Variants in ZMYM2 observed in about 807,000 individuals in gnomAD.
ZMYM2 encodes zinc finger MYM-type containing 2, also known as zinc finger MYM-type protein 2.
A neutral mutation model predicts 162.8 loss-of-function variants in ZMYM2; 56 were observed. The ratio of observed to expected loss-of-function variants is 0.34; its 90% CI spans 0.28 to 0.43. The LOEUF (loss-of-function observed/expected upper bound fraction) is 0.43. Ranked by LOEUF, ZMYM2 falls within the 20% of genes least tolerant of loss-of-function variation. The pLI, the probability that ZMYM2 is intolerant of heterozygous loss-of-function variation, is 1.00. For missense variants in ZMYM2, 1,275 were observed against 1,621.8 expected (o/e 0.79, Z 3.67); for synonymous variants, 510 against 541.6 (o/e 0.94, Z 0.81).
the ZMYM2 span, among the ~76,000 whole-genome samples, chr13:19,896,342 C>T: frequency 1.3e-5 from 2 of 151,160 alleles, no homozygotes; most frequent in Non-Finnish European, 2.9e-5. Flanking sequence ...CGGGGTTTCA[C>T]TATGTTGACC....
intron 12 of ZMYM2, among the ~76,000 whole-genome samples, chr13:20,041,364 T>C (rs1470669278): frequency 2.6e-5 from 4 of 151,822 alleles, no homozygotes; most frequent in African/African-American, 9.7e-5. Flanking sequence ...CTGTTTTGTC[T>C]GAGGCAACCC....
upstream of ZMYM2, among the ~76,000 whole-genome samples, chr13:19,954,959 C>T (rs1954478965): frequency 1.3e-5 from 2 of 151,876 alleles, no homozygotes; most frequent in Admixed American, 6.6e-5. Flanking sequence ...TACAAGCATG[C>T]ACCACGCTGC....
chr13:20,039,344 T>TA (rs1352698878), intron 12 of ZMYM2, among the ~76,000 whole-genome samples: 1 of 152,180 alleles, frequency 6.6e-6, no homozygotes, highest in Non-Finnish European at 1.5e-5. Flanking sequence ...ATCCTTGTCT[T>TA]ACACCAGTTT....
At position 20,062,837 on chromosome 13, in the gene ZMYM2, TG is replaced by T. The variant is rs1412750448; in HGVS notation, c.2912-8del. On this transcript the variant is annotated splice_region_variant and splice_polypyrimidine_tract_variant and intron_variant, in intron 17 of 24. Coordinates refer to ENST00000610343, the MANE Select transcript of ZMYM2 (RefSeq NM_197968.4). ...TTTGATTCCTAATGATAATATGGAT[TG>T]ATTTCAGGTGTAATTATTGAAACAG... The T allele has an allele frequency of 6.4e-7, 1 of 1,554,212 alleles. No individual in the cohort carries two copies. Among genetic ancestry groups the T allele is most frequent in the Non-Finnish European group, 8.7e-7 (1 of 1,147,880 alleles).
At chr13:19,958,464 T>C (rs1029307097), upstream of ZMYM2, among the ~76,000 whole-genome samples, 7 of 128,362 alleles carry the variant, frequency 5.5e-5, no homozygotes, top group African/African-American at 1.7e-4. Context: ...ACCCGGTGGG[T>C]GGGGGCGGGG....
At chr13:19,869,019 G>A in the ZMYM2 span, among the ~76,000 whole-genome samples, 1 of 152,166 alleles carries the variant, frequency 6.6e-6, no homozygotes, top group African/African-American at 2.4e-5. Context: ...CCTAAGTGCT[G>A]GGATTACAGG....
chr13:19,931,071 G>A, the ZMYM2 span, among the ~76,000 whole-genome samples: 2 of 150,404 alleles, frequency 1.3e-5, no homozygotes, highest in Non-Finnish European at 1.5e-5. Context: ...CCCAGGAGGC[G>A]GAGCTTGCAG....
chr13:19,968,603 A>AC (rs1956020530), intron 2 of ZMYM2, among the ~76,000 whole-genome samples: 1 of 152,142 alleles, frequency 6.6e-6, no homozygotes, highest in African/African-American at 2.4e-5. Context: ...AGTGTCCTTT[A>AC]CTGTCATCTT....
At chr13:19,867,310 A>G in the ZMYM2 span, among the ~76,000 whole-genome samples, 1 of 151,700 alleles carries the variant, frequency 6.6e-6, no homozygotes, top group Non-Finnish European at 1.5e-5. Flanking sequence ...AGATCGCGCC[A>G]TCGCACTCCA....
At chr13:20,043,907 G>T (rs1954518155) in intron 12 of ZMYM2, among the ~76,000 whole-genome samples, 2 of 152,076 alleles carry the variant, frequency 1.3e-5, no homozygotes, top group African/African-American at 4.8e-5. Context: ...CCCACTGGGG[G>T]TCTCCAGTGG....
the ZMYM2 span, among the ~76,000 whole-genome samples, chr13:19,865,226 T>C: frequency 6.6e-6 from 1 of 152,126 alleles, no homozygotes; most frequent in Non-Finnish European, 1.5e-5. Context: ...GCTGATGAGC[T>C]AAAACAAACG....
the ZMYM2 span, among the ~76,000 whole-genome samples, chr13:19,893,210 A>T: frequency 6.6e-6 from 1 of 150,954 alleles, no homozygotes; most frequent in Non-Finnish European, 1.5e-5. Flanking sequence ...AGGTGGGCCG[A>T]TCATGAGGTC....
rs1032229415 is a variant in ZMYM2 at position 20,067,023 on chromosome 13, AGT to A, written c.3301+7_3301+8del. ...GTATTAGATGAGTTAAAATCTTGTA[AGT>A]GTTTTAATTTTGTTTCTCCTAAGTC... On this transcript the variant is annotated splice_donor_5th_base_variant and intron_variant, in intron 20 of 24. Coordinates refer to ENST00000610343, the MANE Select transcript of ZMYM2 (RefSeq NM_197968.4). The A allele has an allele frequency of 6.3e-7, 1 of 1,591,358 alleles. No individual in the cohort carries two copies.
chr13:19,896,055 T>G, the ZMYM2 span, among the ~76,000 whole-genome samples: 1 of 150,846 alleles, frequency 6.6e-6, no homozygotes, highest in Non-Finnish European at 1.5e-5. Flanking sequence ...GAGAGAGTCT[T>G]GCTTGGGTTG....
At chr13:19,877,342 G>A in the ZMYM2 span, among the ~76,000 whole-genome samples, 1,841 of 152,318 alleles carry the variant, frequency 0.012, 39 homozygotes, top group African/African-American at 0.04. Context: ...TCAGAAAGTG[G>A]AAAGGGAGTA....
the ZMYM2 span, among the ~76,000 whole-genome samples, chr13:19,921,293 C>T: frequency 6.6e-6 from 1 of 152,122 alleles, no homozygotes; most frequent in Non-Finnish European, 1.5e-5. Flanking sequence ...ACATGAGCCA[C>T]CACACCCGGC....
intron 2 of ZMYM2, among the ~76,000 whole-genome samples, chr13:19,986,585 T>A (rs9579756): frequency 0.091 from 13,509 of 148,610 alleles, 875 homozygotes; most frequent in African/African-American, 0.19. Context: ...GAAAAAAAAA[T>A]TTTTAACATT....
chr13:20,056,018 A>C (rs1270236679), intron 14 of ZMYM2, among the ~76,000 whole-genome samples: 1 of 152,206 alleles, frequency 6.6e-6, no homozygotes, highest in Non-Finnish European at 1.5e-5. Flanking sequence ...TATATGGAAG[A>C]GCTACTTTTC....
At chr13:19,906,748 A>T in the ZMYM2 span, among the ~76,000 whole-genome samples, 6,783 of 151,904 alleles carry the variant, frequency 0.045, 217 homozygotes, top group African/African-American at 0.097. Flanking sequence ...TTTTGTAGAG[A>T]TGGGGTCTCA....
Sources: gnomAD v4.1 joint callset for allele counts (sites outside exome capture counted in the v4.1 genomes callset) on GRCh38, gnomAD v4.1.1 for gene constraint, MANE v1.5 for transcripts, NCBI Gene and HGNC (gene_info 2026-07-23, HGNC 2026-07-21) for gene names.